Variants in PAPSS1 observed in about 807,000 individuals in gnomAD.
PAPSS1 encodes the protein bifunctional 3'-phosphoadenosine 5'-phosphosulfate synthase 1.
Under a neutral mutation model 72.0 loss-of-function variants are expected in PAPSS1, and 50 were observed. That is an observed-to-expected ratio of 0.69 (90% CI 0.55 to 0.88). The LOEUF (loss-of-function observed/expected upper bound fraction) is 0.88. Among genes scored for constraint, PAPSS1 ranks in the 40% least tolerant of loss-of-function variants. The pLI is 0.00. For synonymous variants in PAPSS1, 261 were observed against 263.6 expected, an observed-to-expected ratio of 0.99 and a Z score of 0.09; for missense variants, 657 against 782.2, an observed-to-expected ratio of 0.84 and a Z score of 1.91.
chr4:107,703,084 T>TGATGAGTAGAGAAGTTGAGCC (rs1560590911), intron 1 of PAPSS1, among the ~76,000 whole-genome samples: 3 of 152,330 alleles, frequency 2.0e-5, no homozygotes, highest in Non-Finnish European at 4.4e-5. Context: ...TGCATTTCCC[T>TGATGAGTAGAGAAGTTGAGCC]GATGAGTAGA....
intron 5 of PAPSS1, among the ~76,000 whole-genome samples, chr4:107,679,414 C>T (rs1176585038): frequency 1.3e-5 from 2 of 152,126 alleles, no homozygotes; most frequent in Non-Finnish European, 2.9e-5. Context: ...TTAAGAATAA[C>T]TTCATAAGGA....
At chr4:107,631,578 G>T in intron 11 of PAPSS1, 53 bp downstream of exon 11, 1 of 1,247,248 alleles carries the variant, frequency 8.0e-7, no homozygotes, top group Non-Finnish European at 1.2e-6. Context: ...ATCCCTGGGA[G>T]CAGCTAGACC....
rs1393764118 is a variant in PAPSS1 at position 107,720,191 on chromosome 4, G to A, written c.-12C>T. The A allele has an allele frequency of 5.0e-6, 8 of 1,599,980 alleles. No individual in the cohort carries two copies. Among genetic ancestry groups the A allele is most frequent in the South Asian group, 3.4e-5 (3 of 89,400 alleles). ...CCGGGGATCTCCATGACCGCGGAGC[G>A]CGCTGAGCAGCCGGGGTTCTCTGCG... On this transcript the variant is annotated 5_prime_UTR_variant, in exon 1 of 12. Coordinates refer to ENST00000265174, the MANE Select transcript of PAPSS1 (RefSeq NM_005443.5).
intron 9 of PAPSS1, among the ~76,000 whole-genome samples, chr4:107,647,155 CAG>C (rs534792698): frequency 7.3e-4 from 111 of 152,304 alleles, no homozygotes; most frequent in African/African-American, 2.5e-3. Context: ...ACAGTCTAGT[CAG>C]AGCAGGGGAG....
At chr4:107,702,781 G>C (rs112367646) in intron 1 of PAPSS1, among the ~76,000 whole-genome samples, 1 of 151,874 alleles carries the variant, frequency 6.6e-6, no homozygotes, top group Non-Finnish European at 1.5e-5. Context: ...TCCATATCTT[G>C]ACTATGGTAA....
At chr4:107,681,782 T>C (rs1722620508) in intron 5 of PAPSS1, among the ~76,000 whole-genome samples, 1 of 152,188 alleles carries the variant, frequency 6.6e-6, no homozygotes, top group East Asian at 1.9e-4. Flanking sequence ...CAAGACTGAC[T>C]CCTAAGCCTC....
At chr4:107,684,974 C>T (rs1052180302) in intron 4 of PAPSS1, among the ~76,000 whole-genome samples, 2 of 151,920 alleles carry the variant, frequency 1.3e-5, no homozygotes, top group Admixed American at 6.6e-5. Flanking sequence ...GGCACAATTT[C>T]GGCTCACTGC....
At chr4:107,667,719 T>G (rs975768777) in intron 5 of PAPSS1, among the ~76,000 whole-genome samples, 2 of 152,230 alleles carry the variant, frequency 1.3e-5, no homozygotes, top group South Asian at 2.1e-4. Context: ...TTATATATAG[T>G]ATAACCTTTT....
intron 5 of PAPSS1, among the ~76,000 whole-genome samples, chr4:107,662,816 T>A (rs148065629): frequency 3.3e-5 from 5 of 152,178 alleles, no homozygotes; most frequent in Non-Finnish European, 7.3e-5. Context: ...CATCCATAGG[T>A]ACATTACACG....
In PAPSS1 at chr4:107,720,100, C is replaced by A. The variant is rs367831321; in HGVS notation, c.60+20G>T. ...ACAGCCCCTCCGCTCCTCGCCGTCT[C>A]GCCTTCGTCCCCAGCTTACCCAGTT... On this transcript the variant is annotated intron_variant, in intron 1 of 11. Coordinates refer to ENST00000265174, the MANE Select transcript of PAPSS1 (RefSeq NM_005443.5). The A allele has an allele frequency of 7.7e-5, 123 of 1,599,442 alleles. No homozygotes were observed. The highest frequency in any genetic ancestry group is 1.0e-4 in the Non-Finnish European group (118 of 1,173,790).
At chr4:107,707,211 C>A (rs1345173243) in intron 1 of PAPSS1, among the ~76,000 whole-genome samples, 1 of 152,286 alleles carries the variant, frequency 6.6e-6, no homozygotes, top group Middle Eastern at 3.4e-3. Context: ...GTGGGCCAAC[C>A]TGGCTCTCAG....
Position 107,617,097 on chromosome 4 carries a change from T to C in PAPSS1, c.1737-2710A>G, listed in dbSNP as rs947287988. Among the ~76,000 whole-genome samples the C allele has an allele frequency of 2.0e-5, 3 of 152,314 alleles. No homozygotes were observed. The East Asian group carries it at 5.8e-4, about 29-fold the overall frequency. The stretch of plus-strand genomic sequence containing the variant: ...CTAGAACATGAAAGAAGTGTTATGA[T>C]TTCCTTAGTGATCTAGGTGGTATAT... On this transcript the variant is annotated intron_variant, in intron 11 of 11. Coordinates refer to ENST00000265174, the MANE Select transcript of PAPSS1 (RefSeq NM_005443.5).
chr4:107,637,488 G>A (rs920825229), intron 10 of PAPSS1, among the ~76,000 whole-genome samples: 1 of 152,096 alleles, frequency 6.6e-6, no homozygotes, highest in Non-Finnish European at 1.5e-5. Flanking sequence ...CCCCACACCT[G>A]ACGGTTGAGA....
intron 7 of PAPSS1, 127 bp from the exon 8 acceptor site, chr4:107,655,027 C>T: frequency 1.7e-6 from 1 of 572,448 alleles, no homozygotes; most frequent in Non-Finnish European, 3.0e-6. Context: ...TGACAGTATT[C>T]AACTGGTACC....
chr4:107,649,227 G>A (rs576354521), intron 9 of PAPSS1, among the ~76,000 whole-genome samples: 3 of 152,322 alleles, frequency 2.0e-5, no homozygotes, highest in East Asian at 3.9e-4. Flanking sequence ...GAGGATGGAC[G>A]GAGAAAAGTT....
Position 107,682,122 on chromosome 4 carries a change from T to C in PAPSS1, c.562A>G (p.Ile188Val). ...RAGEIKGFTG[I>V]DSEYEKPEAP... ...TCTGGCTTTTCATATTCAGAATCGATCCCAGTGAAACCTGCAAAAGGTAAC... is the reference window on the plus strand; with the variant it reads ...TCTGGCTTTTCATATTCAGAATCGACCCCAGTGAAACCTGCAAAAGGTAAC... The change falls in exon 5 of 12, where the codon ATC (isoleucine) becomes GTC (valine). Residue 188 changes from isoleucine (I) to valine (V), a missense_variant. Transcript: ENST00000265174. 3 of 1,580,234 alleles carry C rather than the reference T, an allele frequency of 1.9e-6. No individual in the cohort carries two copies. In the South Asian group the frequency reaches 3.3e-5, roughly 18 times the overall value.
intron 11 of PAPSS1, among the ~76,000 whole-genome samples, chr4:107,629,932 C>G (rs1345639385): frequency 1.3e-5 from 2 of 152,180 alleles, no homozygotes; most frequent in East Asian, 1.9e-4. Flanking sequence ...CAAACAAGGG[C>G]AATTTTACAG....
At chr4:107,663,226 AG>A (rs1238562485) in intron 5 of PAPSS1, among the ~76,000 whole-genome samples, 3 of 152,292 alleles carry the variant, frequency 2.0e-5, no homozygotes, top group African/African-American at 7.2e-5. Flanking sequence ...AAAAAGCAAC[AG>A]GAGTCTATAG....
intron 10 of PAPSS1, among the ~76,000 whole-genome samples, chr4:107,634,172 C>T (rs1297072844): frequency 6.6e-6 from 1 of 151,976 alleles, no homozygotes; most frequent in Non-Finnish European, 1.5e-5. Flanking sequence ...GATGCGCCAC[C>T]ATGCCTGGCT....
Sources: gnomAD v4.1 joint callset for allele counts (sites outside exome capture counted in the v4.1 genomes callset) on GRCh38, gnomAD v4.1.1 for gene constraint, MANE v1.5 for transcripts, NCBI Gene and HGNC (gene_info 2026-07-23, HGNC 2026-07-21) for gene names.